The following DGKI variants were observed in gnomAD, a reference collection of about 807,000 sequenced individuals.
DGKI encodes DAG kinase iota.
A neutral mutation model predicts 147.5 loss-of-function variants in DGKI; 55 were observed. The observed-to-expected ratio is 0.37, with a 90% confidence interval of 0.30 to 0.47. DGKI has a LOEUF of 0.47. Ranked by LOEUF, DGKI falls within the 20% of genes least tolerant of loss-of-function variation. The probability of loss-of-function intolerance (pLI) is 1.00; values close to 1 mark genes in which losing one functional copy is unlikely to be tolerated. For synonymous variants in DGKI, 469 were observed against 477.1 expected, an observed-to-expected ratio of 0.98 and a Z score of 0.22; for missense variants, 1,007 against 1,323.8, an observed-to-expected ratio of 0.76 and a Z score of 3.71.
chr7:137,489,423 C>A (rs567990440), intron 21 of DGKI, among the ~76,000 whole-genome samples: 6 of 152,170 alleles, frequency 3.9e-5, no homozygotes, highest in African/African-American at 7.2e-5. Flanking sequence ...AAGAATATTT[C>A]TCCTCCTTTT....
intron 28 of DGKI, among the ~76,000 whole-genome samples, chr7:137,425,067 G>A (rs1221985752): frequency 6.6e-6 from 1 of 152,222 alleles, no homozygotes; most frequent in African/African-American, 2.4e-5. Flanking sequence ...CTGGAGATCT[G>A]AGAATGGGCA....
chr7:137,386,136 A>G lies in DGKI; in HGVS notation c.*5084T>C, dbSNP rs1039862521. ...TTTTCACGTTTCTATTTTAAAATCC[A>G]TGCTACAAGAGCCTAAGAATTATTT... On this transcript the variant is annotated 3_prime_UTR_variant, in exon 33 of 33. Transcript: ENST00000614521. The G allele has an allele frequency of 3.3e-5, 5 of 152,134 alleles. No individual in the cohort carries two copies. Among genetic ancestry groups the G allele is most frequent in the Non-Finnish European group, 7.4e-5 (5 of 67,988 alleles). 9.4% of individuals were successfully genotyped at this position (152,134 alleles called of 1,614,324 possible). A position where few individuals can be genotyped will look rare whatever the true frequency, so the allele number is the denominator to read the frequency against.
chr7:137,485,599 C>A (rs113923062), intron 22 of DGKI, among the ~76,000 whole-genome samples, 181 bp from the exon 23 acceptor site: 103 of 151,930 alleles, frequency 6.8e-4, no homozygotes, highest in African/African-American at 1.7e-3. Context: ...TAAAATCAAA[C>A]CAAGCTGGAC....
chr7:137,711,996 G>T (rs2116570344), intron 1 of DGKI, among the ~76,000 whole-genome samples: 1 of 152,096 alleles, frequency 6.6e-6, no homozygotes, highest in East Asian at 1.9e-4. Context: ...CCTGGCTGGG[G>T]ATACCTGCTT....
chr7:137,383,452 AGGAACCT>A lies in DGKI; in HGVS notation c.*7761_*7767del, dbSNP rs1457890399. 6.6e-6 allele frequency: 1 copy of A among 151,784 alleles called. No individual in the cohort carries two copies. Among genetic ancestry groups the A allele is most frequent in the Non-Finnish European group, 1.5e-5 (1 of 67,870 alleles). The allele number at this position is 151,784 out of a possible 1,614,324, so 9.4% of individuals were successfully genotyped here. On this transcript the variant is annotated 3_prime_UTR_variant, in exon 33 of 33. Transcript: ENST00000614521. ...ATGCCTTCATTGCTATCTAGTTGGCAGGAACCTGGGGGAAAAAAATAGGCTCAAATTG... is the reference window on the plus strand; with the variant it reads ...ATGCCTTCATTGCTATCTAGTTGGCAGGGGGAAAAAAATAGGCTCAAATTG...
chr7:137,684,345 G>A (rs2081602705), intron 2 of DGKI, among the ~76,000 whole-genome samples: 1 of 152,190 alleles, frequency 6.6e-6, no homozygotes, highest in South Asian at 2.1e-4. Context: ...TTGATTACAT[G>A]TTGAAATAAT....
chr7:137,774,805 C>A (rs947019423), intron 1 of DGKI: 2 of 152,148 alleles, frequency 1.3e-5, no homozygotes, highest in African/African-American at 2.4e-5. Flanking sequence ...CTCTTCCTGA[C>A]CCTCTTGTGT....
chr7:137,475,472 T>A (rs1175929970), intron 23 of DGKI, among the ~76,000 whole-genome samples: 1 of 152,222 alleles, frequency 6.6e-6, no homozygotes, highest in Non-Finnish European at 1.5e-5. Context: ...CCCTTCCCCA[T>A]TCAATAGTAA....
chr7:137,695,039 A>G (rs1346813721), intron 1 of DGKI, among the ~76,000 whole-genome samples: 1 of 152,216 alleles, frequency 6.6e-6, no homozygotes, highest in Non-Finnish European at 1.5e-5. Context: ...CATCCCATTG[A>G]GTCACTCAAA....
intron 1 of DGKI, among the ~76,000 whole-genome samples, chr7:137,720,250 CTTTTTTTTTTTT>C (rs552382033): frequency 2.3e-5 from 2 of 88,218 alleles, no homozygotes; most frequent in African/African-American, 9.4e-5. Context: ...TTGAAAAAAT[CTTTTTTTTTTTT>C]TTTTTTTTTT....
chr7:137,641,022 T>C (rs547718299), intron 6 of DGKI, among the ~76,000 whole-genome samples: 123 of 152,300 alleles, frequency 8.1e-4, no homozygotes, highest in African/African-American at 2.9e-3. Context: ...CTACATGTCA[T>C]GGGAGGAACC....
chr7:137,820,318 A>G (rs753177728), intron 1 of DGKI, among the ~76,000 whole-genome samples: 6 of 152,094 alleles, frequency 3.9e-5, no homozygotes, highest in Non-Finnish European at 8.8e-5. Flanking sequence ...CCACTTAACT[A>G]CCTACTGACA....
intron 6 of DGKI, among the ~76,000 whole-genome samples, chr7:137,635,261 C>A (rs1821270014): frequency 6.6e-6 from 1 of 152,184 alleles, no homozygotes; most frequent in African/African-American, 2.4e-5. Context: ...CAAAACTGAG[C>A]TGGCTCCTGC....
intron 1 of DGKI, among the ~76,000 whole-genome samples, chr7:137,741,576 T>G (rs936233740): frequency 2.6e-5 from 4 of 152,182 alleles, no homozygotes; most frequent in African/African-American, 9.7e-5. Context: ...ATGCATGGTG[T>G]GGTGCTCTAA....
intron 3 of DGKI, among the ~76,000 whole-genome samples, chr7:137,663,865 G>C (rs1433144014): frequency 6.6e-6 from 1 of 152,130 alleles, no homozygotes; most frequent in Non-Finnish European, 1.5e-5. Flanking sequence ...TGAAAGGAAA[G>C]GGGGAGGGAA....
At chr7:137,451,872 T>A (rs10262233) in intron 27 of DGKI, among the ~76,000 whole-genome samples, 2,784 of 152,316 alleles carry the variant, frequency 0.018, 27 homozygotes, top group South Asian at 0.042. Flanking sequence ...TTATTTATTT[T>A]TTTTCATCAT....
intron 32 of DGKI, among the ~76,000 whole-genome samples, chr7:137,392,001 A>T (rs1811383072): frequency 6.6e-6 from 1 of 152,214 alleles, no homozygotes; most frequent in African/African-American, 2.4e-5. Context: ...AAACTAAGAT[A>T]ACCACTACTA....
intron 27 of DGKI, among the ~76,000 whole-genome samples, chr7:137,459,650 A>G (rs1585134727): frequency 6.6e-6 from 1 of 151,058 alleles, no homozygotes; most frequent in South Asian, 2.1e-4. Context: ...AATTTTTTGT[A>G]TTTTTAGTAG....
chr7:137,466,781 C>T (rs191061991), intron 25 of DGKI, 121 bp downstream of exon 25: 9 of 966,100 alleles, frequency 9.3e-6, no homozygotes, highest in East Asian at 4.8e-5. Flanking sequence ...AAGTTATGAA[C>T]ACCATTCCAA....
Sources: allele counts gnomAD v4.1 joint callset (sites outside exome capture counted in the v4.1 genomes callset), GRCh38; gene constraint gnomAD v4.1.1; transcripts MANE v1.5; gene names NCBI Gene and HGNC (gene_info 2026-07-23, HGNC 2026-07-21).